STK3: variants seen among roughly 807,000 people sequenced by gnomAD.
The protein encoded by STK3 is serine/threonine kinase 3, also known as serine/threonine-protein kinase 3.
STK3 carries 41 observed loss-of-function variants against 58.0 expected under a neutral mutation model. The observed-to-expected ratio is 0.71, with a 90% CI of 0.55 to 0.92. The LOEUF (loss-of-function observed/expected upper bound fraction) is 0.92. Among genes scored for constraint, STK3 ranks in the 40% least tolerant of loss-of-function variants. The pLI, the probability that STK3 is intolerant of heterozygous loss-of-function variation, is 0.00. For missense variants in STK3, 479 were observed against 602.7 expected (o/e 0.79, Z 2.15); for synonymous variants, 170 against 191.0 (o/e 0.89, Z 0.91).
At chr8:98,731,153 T>C (rs1457281170) in intron 4 of STK3, among the ~76,000 whole-genome samples, 1 of 152,090 alleles carries the variant, frequency 6.6e-6, no homozygotes. Context: ...TACAATAAAT[T>C]TGGAAGCATT....
chr8:98,719,861 A>G (rs1827273085), intron 4 of STK3, among the ~76,000 whole-genome samples: 1 of 152,226 alleles, frequency 6.6e-6, no homozygotes, highest in Non-Finnish European at 1.5e-5. Context: ...TTAAAGGTGG[A>G]GAGTGCAGAT....
chr8:98,650,851 T>C (rs1820851475), intron 6 of STK3, among the ~76,000 whole-genome samples: 1 of 152,160 alleles, frequency 6.6e-6, no homozygotes. Context: ...TCCAACTGGG[T>C]AGCACCCACC....
chr8:98,762,648 A>G (rs988296720), intron 3 of STK3, among the ~76,000 whole-genome samples: 3 of 152,246 alleles, frequency 2.0e-5, no homozygotes, highest in Non-Finnish European at 2.9e-5. Flanking sequence ...ACAGGTAAAA[A>G]GGGGATAAGT....
intron 6 of STK3, among the ~76,000 whole-genome samples, chr8:98,631,807 G>C (rs1395565059): frequency 1.3e-5 from 2 of 152,222 alleles, no homozygotes; most frequent in African/African-American, 4.8e-5. Context: ...TGGGACTACA[G>C]GCATACGCCA....
At chr8:98,939,434 T>A (rs1372163573) in intron 1 of STK3, among the ~76,000 whole-genome samples, 1 of 152,212 alleles carries the variant, frequency 6.6e-6, no homozygotes, top group Non-Finnish European at 1.5e-5. Flanking sequence ...AAGTTCCAGA[T>A]GATGCGAATG....
chr8:98,765,222 C>G (rs1164345769), intron 3 of STK3, among the ~76,000 whole-genome samples: 1 of 152,188 alleles, frequency 6.6e-6, no homozygotes, highest in East Asian at 1.9e-4. Context: ...GCTATCTCAT[C>G]TCTTATTCTA....
At chr8:98,867,471 T>C (rs1424858374) in intron 3 of STK3, among the ~76,000 whole-genome samples, 1 of 152,114 alleles carries the variant, frequency 6.6e-6, no homozygotes, top group East Asian at 1.9e-4. Flanking sequence ...ATCTAACTTG[T>C]CTAGGCTCAC....
intron 3 of STK3, among the ~76,000 whole-genome samples, chr8:98,422,421 C>A (rs1384824089): frequency 6.6e-6 from 1 of 152,160 alleles, no homozygotes; most frequent in African/African-American, 2.4e-5. Context: ...CCCAGCAACG[C>A]CCCTGCGCCC....
chr8:98,420,527 T>A (rs983872617), intron 3 of STK3, among the ~76,000 whole-genome samples: 8 of 152,208 alleles, frequency 5.3e-5, no homozygotes, highest in Non-Finnish European at 1.2e-4. Flanking sequence ...ACTGGGGGAC[T>A]TGGAATGTAT....
intron 3 of STK3, among the ~76,000 whole-genome samples, chr8:98,416,995 C>T (rs1015848536): frequency 6.6e-6 from 1 of 152,180 alleles, no homozygotes; most frequent in Non-Finnish European, 1.5e-5. Flanking sequence ...GGGGACTCCT[C>T]CTGAGAACAG....
At chr8:98,720,558 G>A (rs1827326976) in intron 4 of STK3, among the ~76,000 whole-genome samples, 1 of 152,044 alleles carries the variant, frequency 6.6e-6, no homozygotes, top group South Asian at 2.1e-4. Context: ...AGACCATCCT[G>A]GCTAACACAG....
At chr8:98,886,246 T>C (rs1396162609) in intron 1 of STK3, among the ~76,000 whole-genome samples, 2 of 152,200 alleles carry the variant, frequency 1.3e-5, no homozygotes, top group African/African-American at 2.4e-5. Flanking sequence ...CTGTCAATTG[T>C]ACCAATGTCA....
intron 3 of STK3, among the ~76,000 whole-genome samples, chr8:98,421,454 TA>T (rs1818172450): frequency 6.6e-6 from 1 of 152,136 alleles, no homozygotes; most frequent in Non-Finnish European, 1.5e-5. Flanking sequence ...ACTCTAAGTT[TA>T]AATTTAATCA....
intron 3 of STK3, among the ~76,000 whole-genome samples, chr8:98,850,433 C>G (rs956801280): frequency 3.3e-5 from 5 of 152,024 alleles, no homozygotes; most frequent in African/African-American, 7.2e-5. Context: ...GAGGAGGAAG[C>G]CAAGAAGCAG....
intron 6 of STK3, among the ~76,000 whole-genome samples, chr8:98,685,719 T>C (rs1037221745): frequency 1.4e-4 from 21 of 151,746 alleles, no homozygotes; most frequent in African/African-American, 5.1e-4. Context: ...GAAAGTACGG[T>C]TAATAGAATC....
chr8:98,657,337 C>T (rs1349391211), intron 6 of STK3, among the ~76,000 whole-genome samples: 1 of 152,030 alleles, frequency 6.6e-6, no homozygotes, highest in Admixed American at 6.6e-5. Context: ...GAGGCACAAA[C>T]AAGTTGATTT....
chr8:98,599,089 T>C (rs535906647), intron 6 of STK3, among the ~76,000 whole-genome samples: 2 of 152,280 alleles, frequency 1.3e-5, no homozygotes, highest in East Asian at 3.9e-4. Context: ...ATAGAAGTGA[T>C]GGGCATGCCA....
the STK3 span, among the ~76,000 whole-genome samples, chr8:98,349,434 T>C: frequency 3.3e-5 from 5 of 152,220 alleles, no homozygotes; most frequent in Non-Finnish European, 5.9e-5. Context: ...GTGTTGAGCA[T>C]GGCTTTTCCA....
At chr8:98,587,561 A>T (rs1814761121) in intron 7 of STK3, among the ~76,000 whole-genome samples, 1 of 152,068 alleles carries the variant, frequency 6.6e-6, no homozygotes, top group African/African-American at 2.4e-5. Context: ...GTGCTGAAAA[A>T]AATGTATATT....
Sources: gnomAD v4.1 joint callset for allele counts (sites outside exome capture counted in the v4.1 genomes callset) on GRCh38, gnomAD v4.1.1 for gene constraint, MANE v1.5 for transcripts, NCBI Gene and HGNC (gene_info 2026-07-23, HGNC 2026-07-21) for gene names.